Variants in AGBL4 observed in about 807,000 individuals in gnomAD.
AGBL4 encodes the protein AGBL carboxypeptidase 4.
A neutral mutation model predicts 66.4 loss-of-function variants in AGBL4; 58 were observed. That is an observed-to-expected ratio of 0.87 (90% confidence interval 0.71 to 1.09). The LOEUF (loss-of-function observed/expected upper bound fraction) is 1.09. Ranked by LOEUF, AGBL4 falls within the 50% of genes least tolerant of loss-of-function variation. AGBL4 has a pLI of 0.00. For synonymous variants in AGBL4, 234 were observed against 222.9 expected (o/e 1.05, Z -0.44); for missense variants, 579 against 631.0 (o/e 0.92, Z 0.88).
intron 9 of AGBL4, among the ~76,000 whole-genome samples, chr1:48,595,994 T>A (rs1241007291): frequency 6.6e-6 from 1 of 152,224 alleles, no homozygotes; most frequent in Admixed American, 6.5e-5. Flanking sequence ...TAGGCAGGAA[T>A]AACCGCAAGT....
chr1:48,808,989 T>C (rs1430362425), intron 6 of AGBL4, among the ~76,000 whole-genome samples: 1 of 152,212 alleles, frequency 6.6e-6, no homozygotes, highest in Non-Finnish European at 1.5e-5. Flanking sequence ...ACTGTATTCA[T>C]TCTCCAGAAA....
chr1:49,347,584 G>C (rs1006114238), intron 3 of AGBL4, among the ~76,000 whole-genome samples: 11 of 152,042 alleles, frequency 7.2e-5, no homozygotes, highest in Non-Finnish European at 1.3e-4. Context: ...TTTCAGCTGG[G>C]CGTGGAGGCT....
chr1:49,761,540 T>A (rs1342974174), intron 2 of AGBL4, among the ~76,000 whole-genome samples: 1 of 152,214 alleles, frequency 6.6e-6, no homozygotes, highest in Non-Finnish European at 1.5e-5. Context: ...CCCAAATTCT[T>A]CTTCTTTACC....
At chr1:49,162,778 T>C (rs1478965564) in intron 4 of AGBL4, among the ~76,000 whole-genome samples, 2 of 152,210 alleles carry the variant, frequency 1.3e-5, no homozygotes, top group Non-Finnish European at 2.9e-5. Context: ...CTCTGTAATG[T>C]GGAAATAATA....
At chr1:48,677,923 G>T (rs1236255805) in intron 6 of AGBL4, among the ~76,000 whole-genome samples, 2 of 152,234 alleles carry the variant, frequency 1.3e-5, no homozygotes, top group Non-Finnish European at 2.9e-5. Context: ...TAGAGAGCTG[G>T]TCCACAAACA....
intron 1 of AGBL4, among the ~76,000 whole-genome samples, chr1:49,921,662 C>A (rs1477670752): frequency 6.6e-6 from 1 of 152,160 alleles, no homozygotes; most frequent in Non-Finnish European, 1.5e-5. Flanking sequence ...CAGAAAACCA[C>A]TAGCGTTAAG....
intron 5 of AGBL4, among the ~76,000 whole-genome samples, chr1:48,930,973 C>T (rs1654991265): frequency 6.6e-6 from 1 of 152,142 alleles, no homozygotes; most frequent in South Asian, 2.1e-4. Flanking sequence ...TTGTTGAGGG[C>T]TCACTATAAA....
intron 1 of AGBL4, among the ~76,000 whole-genome samples, chr1:49,999,578 A>C (rs1409341935): frequency 6.6e-6 from 1 of 152,116 alleles, no homozygotes; most frequent in Non-Finnish European, 1.5e-5. Flanking sequence ...TAGAAAAAAC[A>C]ATCCTAAAAT....
intron 3 of AGBL4, among the ~76,000 whole-genome samples, chr1:49,643,883 A>G (rs1424251971): frequency 6.6e-6 from 1 of 151,736 alleles, no homozygotes. Context: ...AATCTAAACA[A>G]AACAATGAAG....
chr1:49,979,311 A>C (rs1049242536), intron 1 of AGBL4, among the ~76,000 whole-genome samples: 1 of 149,946 alleles, frequency 6.7e-6, no homozygotes, highest in African/African-American at 2.5e-5. Context: ...AATACAAAAA[A>C]TTAGCCGGGC....
intron 3 of AGBL4, among the ~76,000 whole-genome samples, chr1:49,621,240 C>T (rs193091573): frequency 6.6e-6 from 1 of 152,280 alleles, no homozygotes. Flanking sequence ...AGCAGTTTGG[C>T]CATGAGAGTA....
At chr1:49,956,167 T>G (rs1656589356) in intron 1 of AGBL4, among the ~76,000 whole-genome samples, 1 of 151,884 alleles carries the variant, frequency 6.6e-6, no homozygotes, top group African/African-American at 2.4e-5. Context: ...AATTGTGTGA[T>G]GAGCAATTAG....
intron 4 of AGBL4, among the ~76,000 whole-genome samples, chr1:49,099,035 G>A (rs373005076): frequency 2.6e-5 from 4 of 152,138 alleles, no homozygotes; most frequent in Non-Finnish European, 4.4e-5. Context: ...AGAGGAAGGC[G>A]AATGGGAAAG....
At chr1:49,132,868 A>C (rs1036554927) in intron 4 of AGBL4, among the ~76,000 whole-genome samples, 1 of 152,196 alleles carries the variant, frequency 6.6e-6, no homozygotes, top group African/African-American at 2.4e-5. Context: ...ATACCATTTG[A>C]CCCAGCAATC....
chr1:49,427,595 G>A (rs1248909481), intron 3 of AGBL4, among the ~76,000 whole-genome samples: 2 of 152,168 alleles, frequency 1.3e-5, no homozygotes, highest in East Asian at 1.9e-4. Flanking sequence ...TGTGTCCGGA[G>A]TTTCTTCCTT....
chr1:49,013,802 T>C (rs1662624097), intron 5 of AGBL4, among the ~76,000 whole-genome samples: 1 of 152,198 alleles, frequency 6.6e-6, no homozygotes, highest in East Asian at 1.9e-4. Context: ...TAGATAAGTC[T>C]GAGCCTTAGT....
At chr1:49,917,279 A>T (rs182804124) in intron 1 of AGBL4, among the ~76,000 whole-genome samples, 5 of 152,258 alleles carry the variant, frequency 3.3e-5, no homozygotes, top group Admixed American at 3.3e-4. Context: ...CACTTAAAAG[A>T]CACAGACTGG....
chr1:48,911,381 G>C (rs1374191354), intron 5 of AGBL4, among the ~76,000 whole-genome samples: 1 of 152,140 alleles, frequency 6.6e-6, no homozygotes, highest in Non-Finnish European at 1.5e-5. Context: ...ACTTTGGGAG[G>C]CTGAGGCGGG....
At chr1:49,974,648 T>C (rs1297449092) in intron 1 of AGBL4, among the ~76,000 whole-genome samples, 1 of 152,170 alleles carries the variant, frequency 6.6e-6, no homozygotes, top group African/African-American at 2.4e-5. Context: ...CTATAGCATG[T>C]CATCATCTTT....
Sources: gnomAD v4.1 joint callset for allele counts (sites outside exome capture counted in the v4.1 genomes callset) on GRCh38, gnomAD v4.1.1 for gene constraint, MANE v1.5 for transcripts, NCBI Gene and HGNC (gene_info 2026-07-23, HGNC 2026-07-21) for gene names.